PAQR5: variants seen among roughly 807,000 people sequenced by gnomAD.
PAQR5 encodes progestin and adipoQ receptor family member 5, also known as membrane progestin receptor gamma.
A neutral mutation model predicts 34.5 loss-of-function variants in PAQR5; 20 were observed. The ratio of observed to expected loss-of-function variants is 0.58; its 90% CI spans 0.41 to 0.84. The LOEUF (loss-of-function observed/expected upper bound fraction) is 0.84. Among genes scored for constraint, PAQR5 ranks in the 40% least tolerant of loss-of-function variants. The probability of loss-of-function intolerance (pLI) is 0.00; values close to 1 mark genes in which losing one functional copy is unlikely to be tolerated. For missense variants in PAQR5, 378 were observed against 412.7 expected, an observed-to-expected ratio of 0.92 and a Z score of 0.73; for synonymous variants, 131 against 155.6, an observed-to-expected ratio of 0.84 and a Z score of 1.18.
chr15:69,335,246 C>CTT lies in PAQR5; in HGVS notation c.-276-2080_-276-2079dup, dbSNP rs368833153. ...AAAAAAGATTTAAAAGAAATTTTAG[C>CTT]TTTTTTTTTTTTTTTTGAAATGGAG... On this transcript the variant is annotated intron_variant, in intron 1 of 8. Transcript: ENST00000395407. Among the ~76,000 whole-genome samples, 549 of 127,866 alleles carry CTT rather than the reference C, an allele frequency of 4.3e-3. 2 individuals are homozygous for CTT. The highest frequency in any genetic ancestry group is 9.5e-3 in the African/African-American group (325 of 34,334). The allele number at this position is 127,866 out of a possible 152,430, so 83.9% of individuals were successfully genotyped here. A position where few individuals can be genotyped will look rare whatever the true frequency, so the allele number is the denominator to read the frequency against.
At chr15:69,375,074 A>G (rs1048989034) in intron 3 of PAQR5, among the ~76,000 whole-genome samples, 1 of 152,216 alleles carries the variant, frequency 6.6e-6, no homozygotes, top group African/African-American at 2.4e-5. Flanking sequence ...CACCGCTCAT[A>G]TTAGTTTGCT....
rs1170079858 is a variant in PAQR5 at position 69,390,188 on chromosome 15, G to A, written c.512+408G>A. The stretch of plus-strand genomic sequence containing the variant: ...CCGCCATCACGCCCAGCTAATTTTT[G>A]TATTTTTAGTAGAGACAGGGTTTCA... On this transcript the variant is annotated intron_variant, in intron 6 of 8. Transcript: ENST00000395407. 3.3e-5 allele frequency among the ~76,000 whole-genome samples: 5 copies of A among 152,110 alleles called. No homozygotes were observed. The East Asian group carries it at 7.7e-4, about 24-fold the overall frequency.
Position 69,403,736 on chromosome 15 carries a change from A to C in PAQR5, c.907A>C (p.Ile303Leu), listed in dbSNP as rs910519499. ...SQIAGAILLC[I>L]IFSLSNIIYF... ...GATAGCTGGAGCCATACTTCTGTGCATCATCTTCAGCCTCAGCAACATAAT... is the reference window on the plus strand; with the variant it reads ...GATAGCTGGAGCCATACTTCTGTGCCTCATCTTCAGCCTCAGCAACATAAT... Residue 303 changes from isoleucine (I) to leucine (L), a missense_variant, in exon 9 of 9, where the codon ATC becomes CTC. Coordinates refer to ENST00000395407, the MANE Select transcript of PAQR5 (RefSeq NM_017705.4). 8.1e-6 allele frequency: 13 copies of C among 1,614,046 alleles called. No homozygotes were observed. Among genetic ancestry groups the C allele is most frequent in the Admixed American group, 1.7e-5 (1 of 60,002 alleles).
chr15:69,311,620 C>A (rs1159962619), intron 1 of PAQR5, among the ~76,000 whole-genome samples: 2 of 152,142 alleles, frequency 1.3e-5, no homozygotes, highest in African/African-American at 2.4e-5. Flanking sequence ...TTGGGACAGC[C>A]TCTACGCCCC....
intron 2 of PAQR5, among the ~76,000 whole-genome samples, chr15:69,341,922 T>C (rs369307824): frequency 1.4e-5 from 1 of 70,450 alleles, no homozygotes; most frequent in African/African-American, 4.0e-5. Flanking sequence ...AGTGAGACCC[T>C]GTCTCAAAAA....
At position 69,300,947 on chromosome 15, in the gene PAQR5, CCTTCTTTCT is replaced by C. The variant is rs1467715354; in HGVS notation, c.-277+1892_-277+1900del. On this transcript the variant is annotated intron_variant, in intron 1 of 8. Transcript: ENST00000395407. ...TCTCTCTCTCTCTCTCTCTTTCTTTCCTTCTTTCTTTCTTTCTTTCTTTCTTTCTTTCTT... is the reference window on the plus strand; with the variant it reads ...TCTCTCTCTCTCTCTCTCTTTCTTTCTTCTTTCTTTCTTTCTTTCTTTCTT... Among the ~76,000 whole-genome samples, 37 of 45,670 alleles carry C rather than the reference CCTTCTTTCT, an allele frequency of 8.1e-4. 7 individuals are homozygous for C. Among genetic ancestry groups the C allele is most frequent in the South Asian group, 2.5e-3 (3 of 1,192 alleles). 30.0% of individuals were successfully genotyped at this position (45,670 alleles called of 152,430 possible).
At chr15:69,384,950 T>G (rs1026909195) in intron 5 of PAQR5, 68 bp downstream of exon 5, 8 of 1,184,734 alleles carry the variant, frequency 6.8e-6, no homozygotes, top group East Asian at 4.9e-5. Context: ...TCCTGTGAGC[T>G]AGGGTCACCA....
At chr15:69,321,819 C>G (rs1402822046) in intron 1 of PAQR5, among the ~76,000 whole-genome samples, 1 of 152,096 alleles carries the variant, frequency 6.6e-6, no homozygotes, top group Non-Finnish European at 1.5e-5. Flanking sequence ...ATTCATTGAA[C>G]AGGAACACTG....
intron 2 of PAQR5, among the ~76,000 whole-genome samples, chr15:69,340,661 C>T (rs1050511566): frequency 1.2e-4 from 18 of 152,118 alleles, no homozygotes; most frequent in African/African-American, 2.9e-4. Flanking sequence ...ATTGGCATGG[C>T]GGGGTGAGCT....
At chr15:69,357,206 CT>C (rs2055102917) in intron 2 of PAQR5, among the ~76,000 whole-genome samples, 1 of 151,912 alleles carries the variant, frequency 6.6e-6, no homozygotes, top group African/African-American at 2.4e-5. Flanking sequence ...GCCTGCAGAA[CT>C]GTGAGCCAAT....
At chr15:69,335,737 T>C (rs2054501853) in intron 1 of PAQR5, among the ~76,000 whole-genome samples, 1 of 152,016 alleles carries the variant, frequency 6.6e-6, no homozygotes, top group African/African-American at 2.4e-5. Context: ...CATACTGATG[T>C]GGGGCCAGAA....
At chr15:69,301,583 T>A (rs2053605658) in intron 1 of PAQR5, among the ~76,000 whole-genome samples, 2 of 152,320 alleles carry the variant, frequency 1.3e-5, no homozygotes, top group South Asian at 4.1e-4. Context: ...TGGGCCTCAA[T>A]TTCCTCATCT....
intron 5 of PAQR5, among the ~76,000 whole-genome samples, chr15:69,389,305 C>G (rs913447299): frequency 6.6e-6 from 1 of 152,262 alleles, no homozygotes; most frequent in Non-Finnish European, 1.5e-5. Context: ...AACTCTCTAG[C>G]TGCAGGACCC....
At chr15:69,349,111 C>T (rs546752733) in intron 2 of PAQR5, among the ~76,000 whole-genome samples, 124 of 152,010 alleles carry the variant, frequency 8.2e-4, no homozygotes, top group Admixed American at 3.0e-3. Flanking sequence ...GTGGACTGCG[C>T]GGGGAAAATT....
intron 2 of PAQR5, among the ~76,000 whole-genome samples, chr15:69,358,633 A>ATTTTTTTTTTTTTTTTTTTTTTTTTT (rs71149910): frequency 5.9e-5 from 5 of 84,466 alleles, no homozygotes; most frequent in Non-Finnish European, 1.0e-4. Flanking sequence ...GCTCTGTGGC[A>ATTTTTTTTTTTTTTTTTTTTTTTTTT]TTTTTTTTTT....
chr15:69,309,847 G>C (rs1175316431), intron 1 of PAQR5, among the ~76,000 whole-genome samples: 1 of 151,964 alleles, frequency 6.6e-6, no homozygotes, highest in Non-Finnish European at 1.5e-5. Context: ...TCAGGAGTTT[G>C]AGACCAGCCT....
chr15:69,379,067 A>G (rs1276733265), intron 3 of PAQR5, among the ~76,000 whole-genome samples: 2 of 152,196 alleles, frequency 1.3e-5, no homozygotes, highest in African/African-American at 4.8e-5. Context: ...CCTCTGCCCC[A>G]TGGTGTAAAC....
chr15:69,396,784 G>T (rs1409507370), intron 6 of PAQR5: 5 of 259,156 alleles, frequency 1.9e-5, no homozygotes, highest in Non-Finnish European at 3.8e-5. Context: ...CTGAGGCCCT[G>T]TCATGTTCTG....
Position 69,404,898 on chromosome 15 carries a change from A to G in PAQR5, c.*1076A>G, listed in dbSNP as rs982852247. ...TGTAGGTTTTGTAGAGGAGATCTGC[A>G]CTGGAGCAAGTCTCCCAGATGATTC... On this transcript the variant is annotated 3_prime_UTR_variant, in exon 9 of 9. Transcript: ENST00000395407. The G allele has an allele frequency of 1.0e-5, 4 of 398,434 alleles. No individual in the cohort carries two copies. The highest frequency in any genetic ancestry group is 8.2e-5 in the African/African-American group (4 of 48,640). The allele number at this position is 398,434 out of a possible 1,614,324, so 24.7% of individuals were successfully genotyped here.
Sources: allele counts gnomAD v4.1 joint callset (sites outside exome capture counted in the v4.1 genomes callset), GRCh38; gene constraint gnomAD v4.1.1; transcripts MANE v1.5; gene names NCBI Gene and HGNC (gene_info 2026-07-23, HGNC 2026-07-21).